Variants in KRT79 observed in about 807,000 individuals in gnomAD.
The protein encoded by KRT79 is keratin, type II cytoskeletal 79.
KRT79 carries 51 observed loss-of-function variants against 49.0 expected under a neutral mutation model. That is an observed-to-expected ratio of 1.04 (90% CI 0.83 to 1.31). KRT79 has a LOEUF of 1.31. KRT79 is among the 40% of genes most tolerant of loss of function. The probability of loss-of-function intolerance (pLI) is 0.00; values close to 1 mark genes in which losing one functional copy is unlikely to be tolerated. For synonymous variants in KRT79, 312 were observed against 286.6 expected (o/e 1.09, Z -0.90); for missense variants, 728 against 688.0 (o/e 1.06, Z -0.65).
At chr12:52,827,960 G>A (rs1176585017) in intron 4 of KRT79, among the ~76,000 whole-genome samples, 4 of 152,142 alleles carry the variant, frequency 2.6e-5, no homozygotes, top group Admixed American at 2.6e-4. Context: ...GAACGCCCTG[G>A]TCATCCTTGA....
In KRT79 at chr12:52,833,973, C is replaced by T. The variant is rs769960334; in HGVS notation, c.288G>A (p.Met96Ile). ...ACGTCTGCCTGCCAGCCCCCTGTCC[C>T]ATAAATGCCCTGCTGCCAAAGCCAA... ...GGFGFGSRAF[M>I]GQGAGRQTFG... Residue 96 changes from methionine (M) to isoleucine (I), a missense_variant, in exon 1 of 9, where the codon ATG becomes ATA. Met to Ile is a conservative substitution (Grantham distance 10). Coordinates refer to ENST00000330553, the MANE Select transcript of KRT79 (RefSeq NM_175834.3). 3 of 1,612,976 alleles carry T rather than the reference C, an allele frequency of 1.9e-6. No individual in the cohort carries two copies. In the Admixed American group the frequency reaches 5.0e-5, roughly 27 times the overall value.
chr12:52,827,105 G>A (rs1031251958), intron 4 of KRT79, among the ~76,000 whole-genome samples: 3 of 152,174 alleles, frequency 2.0e-5, no homozygotes, highest in Non-Finnish European at 2.9e-5. Flanking sequence ...ACACTGCACA[G>A]GCTGGGCCCC....
chr12:52,834,064 C>CTTGGCTTCGG lies in KRT79; in HGVS notation c.196_197insCCGAAGCCAA (p.Gly66AlafsTer70). 6.2e-7 allele frequency: 1 copy of CTTGGCTTCGG among 1,613,690 alleles called. No individual in the cohort carries two copies. The highest frequency in any genetic ancestry group is 1.1e-5 in the South Asian group (1 of 91,064). On this transcript the variant is annotated frameshift_variant, in exon 1 of 9. Transcript: ENST00000330553. LOFTEE classifies it high-confidence loss of function. ...ACTGACAGAGATACTCTTGTGGCCC[C>CTTGGCTTCGG]CCAAGTTATAGAGGCTTCGGCTGCC...
rs375050137 is a variant in KRT79, at chr12:52,834,308, C to T, written c.-48G>A. On this transcript the variant is annotated 5_prime_UTR_variant, in exon 1 of 9. Coordinates refer to ENST00000330553, the MANE Select transcript of KRT79 (RefSeq NM_175834.3). ...AGGATGAGAGGGCAGGAAGGGAGTG[C>T]CGTGAGCTGCTGGGCCACTGTGGGC... 182 of 1,463,664 alleles carry T rather than the reference C, an allele frequency of 1.2e-4. No individual in the cohort carries two copies. The African/African-American group carries it at 1.4e-3, about 11-fold the overall frequency. 90.7% of individuals were successfully genotyped at this position (1,463,664 alleles called of 1,614,324 possible). A position where few individuals can be genotyped will look rare whatever the true frequency, so the allele number is the denominator to read the frequency against.
chr12:52,821,526 GA>G lies in KRT79; in HGVS notation c.*345del, dbSNP rs1940086955. Reference sequence around the variant, plus strand: ...CAGGGAGAGGGTGGGTCTGGTGGGGGACTGGGGAGGTTGAAGGGTCTTTGGG... The same window carrying G: ...CAGGGAGAGGGTGGGTCTGGTGGGGGCTGGGGAGGTTGAAGGGTCTTTGGG... On this transcript the variant is annotated 3_prime_UTR_variant, in exon 9 of 9. Coordinates refer to ENST00000330553, the MANE Select transcript of KRT79 (RefSeq NM_175834.3). The G allele has an allele frequency of 6.6e-6, 2 of 302,744 alleles. No homozygotes were observed. Among genetic ancestry groups the G allele is most frequent in the Non-Finnish European group, 1.3e-5 (2 of 159,528 alleles). 18.8% of individuals were successfully genotyped at this position (302,744 alleles called of 1,614,324 possible).
At position 52,831,452 on chromosome 12, in the gene KRT79, A is replaced by G; in HGVS notation, c.652T>C (p.Ser218Pro). The G allele has an allele frequency of 6.2e-7, 1 of 1,614,170 alleles. No homozygotes were observed. Among genetic ancestry groups the G allele is most frequent in the Non-Finnish European group, 8.5e-7 (1 of 1,180,030 alleles). ...AGGTCCTGCACGTTCCTGAGCTCTG[A>G]GTCCAGCCTCCCCCGCTCGCTCTGA... ...RLQSERGRLDSELRNVQDLVE... is the reference protein window; with the variant it reads ...RLQSERGRLDPELRNVQDLVE... The change falls in exon 2 of 9, where the codon TCA becomes CCA. Residue 218 changes from serine to proline, a missense_variant. Physicochemically the swap from Ser to Pro is moderately conservative, Grantham distance 74. Coordinates refer to ENST00000330553, the MANE Select transcript of KRT79 (RefSeq NM_175834.3).
chr12:52,832,997 C>A (rs116838417), intron 1 of KRT79, among the ~76,000 whole-genome samples: 4,217 of 152,282 alleles, frequency 0.028, 190 homozygotes, highest in African/African-American at 0.096. Flanking sequence ...GTCTGCCAGA[C>A]CTTCCCCATC....
chr12:52,828,692 A>G (rs994718220), intron 4 of KRT79, among the ~76,000 whole-genome samples: 7 of 152,232 alleles, frequency 4.6e-5, no homozygotes, highest in Non-Finnish European at 1.0e-4. Context: ...TTTATGTGAA[A>G]AAGTCCAGAA....
chr12:52,831,188 T>C (rs1940248400), intron 2 of KRT79, among the ~76,000 whole-genome samples: 1 of 152,236 alleles, frequency 6.6e-6, no homozygotes, highest in Non-Finnish European at 1.5e-5. Flanking sequence ...GGGTTCATTA[T>C]ACTATTCCCC....
Position 52,824,002 on chromosome 12 carries a change from A to C in KRT79, c.1031T>G (p.Leu344Arg). Reference protein sequence around the residue: ...EAWYQTKYEELQVTAGKHGDN... With the variant: ...EAWYQTKYEERQVTAGKHGDN... ...CCCATGCTTCCCAGCAGTCACCTGCAGCTCCTCATACTGGGGACCAAAGAA... is the reference window on the plus strand; with the variant it reads ...CCCATGCTTCCCAGCAGTCACCTGCCGCTCCTCATACTGGGGACCAAAGAA... Residue 344 changes from leucine to arginine, a missense_variant, in exon 6 of 9, where the codon CTG (leucine) becomes CGG (arginine). Transcript: ENST00000330553. 1.2e-6 allele frequency: 2 copies of C among 1,614,134 alleles called. No individual in the cohort carries two copies. The highest frequency in any genetic ancestry group is 2.2e-5 in the South Asian group (2 of 91,076).
intron 4 of KRT79, among the ~76,000 whole-genome samples, chr12:52,827,680 A>G (rs1007277046): frequency 6.6e-6 from 1 of 152,214 alleles, no homozygotes; most frequent in Non-Finnish European, 1.5e-5. Context: ...AGAGGCTGCT[A>G]GATGAACTCT....
intron 1 of KRT79, 33 bp from the exon 2 acceptor site, chr12:52,831,659 A>C (rs1592319239): frequency 1.9e-6 from 3 of 1,578,156 alleles, no homozygotes; most frequent in Non-Finnish European, 2.6e-6. Context: ...GGCTGATGTC[A>C]CCCTCCGGTC....
chr12:52,827,987 G>A (rs1328582480), intron 4 of KRT79, among the ~76,000 whole-genome samples: 1 of 152,164 alleles, frequency 6.6e-6, no homozygotes, highest in Non-Finnish European at 1.5e-5. Flanking sequence ...TGGAGAGGAG[G>A]AGACCCCAAA....
chr12:52,829,398 G>A lies in KRT79; in HGVS notation c.855+625C>T, dbSNP rs377582218. 8.9e-4 allele frequency among the ~76,000 whole-genome samples: 135 copies of A among 152,250 alleles called. 3 individuals are homozygous for A. The highest frequency in any genetic ancestry group is 6.8e-3 in the Middle Eastern group (2 of 294). ...ATAACAGTGGTAAGAGTCAGACTTC[G>A]GAGTTCAAGAGCCAGATTTGAATTC... is the stretch of plus-strand genomic sequence containing the variant. On this transcript the variant is annotated intron_variant, in intron 4 of 8. Transcript: ENST00000330553.
Position 52,822,034 on chromosome 12 carries a change from G to T in KRT79, c.1446C>A (p.Ala482=), listed in dbSNP as rs1208172927. Residue 482 remains alanine (A), a synonymous_variant, in exon 9 of 9, where the codon GCC becomes GCA. Transcript: ENST00000330553. ...NSTTVCGGGA[A]SFGGGISLGG... The stretch of plus-strand genomic sequence containing the variant: ...CCAGGGAGATGCCACCTCCAAAGCT[G>T]GCTGCGCCACCTCCGCACACAGTGG... 6.2e-7 allele frequency: 1 copy of T among 1,614,098 alleles called. No individual in the cohort carries two copies.
rs188751376 is a variant in KRT79, at chr12:52,826,417, G to C, written c.856-2055C>G. The stretch of plus-strand genomic sequence containing the variant: ...AATCCCAGCTACTTGGGAGGCTGAG[G>C]TGGGAGGATCGCTTGAGCCCAGGAG... On this transcript the variant is annotated intron_variant, in intron 4 of 8. Transcript: ENST00000330553. Among the ~76,000 whole-genome samples, 455 of 151,910 alleles carry C rather than the reference G, an allele frequency of 3.0e-3. 4 individuals carry two copies. The highest frequency in any genetic ancestry group is 5.3e-3 in the Non-Finnish European group (359 of 67,962).
chr12:52,831,527 G>T lies in KRT79; in HGVS notation c.577C>A (p.Pro193Thr), dbSNP rs1384640691. Residue 193 changes from proline to threonine, a missense_variant, in exon 2 of 9, where the codon CCC becomes ACC. Physicochemically the swap from Pro to Thr is conservative, Grantham distance 38. Transcript: ENST00000330553. ...NLGVTRNNLE[P>T]LFEAYLGSMR... is the part of the protein sequence containing the mutation. The stretch of plus-strand genomic sequence containing the variant: ...CTACCCAGGTAGGCCTCAAAGAGGG[G>T]CTCCAGGTTGTTCCTGGTGACACCC... 3 of 1,614,090 alleles carry T rather than the reference G, an allele frequency of 1.9e-6. No individual in the cohort carries two copies. The African/African-American group carries it at 4.0e-5, about 22-fold the overall frequency.
intron 6 of KRT79, 152 bp downstream of exon 6, chr12:52,823,735 C>CAG: frequency 1.1e-6 from 1 of 884,486 alleles, no homozygotes; most frequent in African/African-American, 1.7e-5. Context: ...CTCTGTGCCT[C>CAG]AGTTTCCCCC....
chr12:52,833,748 C>A lies in KRT79; in HGVS notation c.477+36G>T, dbSNP rs141936685. ...CCTCTATTAGAGGTCCCGCTTCTTCCCCAAGAGCTCCCTTCCTCCTTCCTG... is the reference window on the plus strand; with the variant it reads ...CCTCTATTAGAGGTCCCGCTTCTTCACCAAGAGCTCCCTTCCTCCTTCCTG... On this transcript the variant is annotated intron_variant, in intron 1 of 8. Coordinates refer to ENST00000330553, the MANE Select transcript of KRT79 (RefSeq NM_175834.3). 9.3e-5 allele frequency: 145 copies of A among 1,560,060 alleles called. 1 individual carries two copies. The African/African-American group carries it at 1.6e-3, about 17-fold the overall frequency.
Sources: gnomAD v4.1 joint callset for allele counts (sites outside exome capture counted in the v4.1 genomes callset) on GRCh38, gnomAD v4.1.1 for gene constraint, MANE v1.5 for transcripts, NCBI Gene and HGNC (gene_info 2026-07-23, HGNC 2026-07-21) for gene names.